NSUN4: variants seen among roughly 807,000 people sequenced by gnomAD.
NSUN4 encodes the protein NOP2/Sun RNA methyltransferase 4, also known as 5-cytosine rRNA methyltransferase NSUN4.
A neutral mutation model predicts 43.8 loss-of-function variants in NSUN4; 31 were observed. The observed-to-expected ratio is 0.71, with a 90% CI of 0.53 to 0.96. The LOEUF is 0.96. NSUN4 is among the 40% of genes least tolerant of loss of function. The pLI is 0.00. For missense variants in NSUN4, 439 were observed against 475.6 expected, an observed-to-expected ratio of 0.92 and a Z score of 0.72; for synonymous variants, 167 against 184.1, an observed-to-expected ratio of 0.91 and a Z score of 0.75.
At chr1:46,367,003 C>T (rs1664151393), downstream of NSUN4, among the ~76,000 whole-genome samples, 5 of 152,104 alleles carry the variant, frequency 3.3e-5, no homozygotes, top group African/African-American at 9.7e-5. Flanking sequence ...TGGCCGTTCT[C>T]AGAAAAATAA....
At chr1:46,341,568 A>C in intron 1 of NSUN4, 2 of 1,168,510 alleles carry the variant, frequency 1.7e-6, no homozygotes, top group Non-Finnish European at 2.1e-6. Flanking sequence ...CCTCACTGGA[A>C]GCCCTGGAAT....
At position 46,362,606 on chromosome 1, in the gene NSUN4, G is replaced by A. The variant is rs887278024; in HGVS notation, c.*760G>A. 1 of 152,190 alleles carries A rather than the reference G, an allele frequency of 6.6e-6. No homozygotes were observed. The highest frequency in any genetic ancestry group is 1.5e-5 in the Non-Finnish European group (1 of 68,044). 9.4% of individuals were successfully genotyped at this position (152,190 alleles called of 1,614,324 possible). A position where few individuals can be genotyped will look rare whatever the true frequency, so the allele number is the denominator to read the frequency against. Reference sequence around the variant, plus strand: ...AGACCTCGTGTATGACAGGTAGCTAGGGAGCTCTTGGAGATGTAGCAGTTG... The same window carrying A: ...AGACCTCGTGTATGACAGGTAGCTAAGGAGCTCTTGGAGATGTAGCAGTTG... On this transcript the variant is annotated 3_prime_UTR_variant, in exon 6 of 6. Transcript: ENST00000474844.
chr1:46,369,835 C>A (rs144325988), downstream of NSUN4, among the ~76,000 whole-genome samples: 385 of 152,304 alleles, frequency 2.5e-3, 3 homozygotes, highest in African/African-American at 8.3e-3. Flanking sequence ...GTATTCCATC[C>A]TGAGTAACTG....
Position 46,362,077 on chromosome 1 carries a change from C to T in NSUN4, c.*231C>T, listed in dbSNP as rs1351173980. 3.5e-6 allele frequency: 2 copies of T among 564,038 alleles called. No individual in the cohort carries two copies. Among genetic ancestry groups the T allele is most frequent in the Non-Finnish European group, 6.3e-6 (2 of 316,610 alleles). The allele number at this position is 564,038 out of a possible 1,614,324, so 34.9% of individuals were successfully genotyped here. A position where few individuals can be genotyped will look rare whatever the true frequency, so the allele number is the denominator to read the frequency against. On this transcript the variant is annotated 3_prime_UTR_variant, in exon 6 of 6. Transcript: ENST00000474844. ...ATTAACCCCTACCCCATCTCCAGGC[C>T]TGTACTAAAGTTTGCTGCCCGCTTA...
chr1:46,360,249 A>AAAAAATATAT (rs1553177947), intron 4 of NSUN4, among the ~76,000 whole-genome samples: 2 of 25,738 alleles, frequency 7.8e-5, no homozygotes, highest in African/African-American at 2.6e-4. Context: ...AAAAAAAAAA[A>AAAAAATATAT]ATATATATAT....
intron 3 of NSUN4, among the ~76,000 whole-genome samples, chr1:46,348,973 C>A (rs938785622): frequency 6.6e-6 from 1 of 151,620 alleles, no homozygotes; most frequent in African/African-American, 2.4e-5. Flanking sequence ...CACCACCACA[C>A]CCGGATAATT....
chr1:46,360,555 A>G, intron 4 of NSUN4, 149 bp from the exon 5 acceptor site: 1 of 631,896 alleles, frequency 1.6e-6, no homozygotes, highest in Non-Finnish European at 2.6e-6. Context: ...ACCAAGTTAA[A>G]ATGAAGAACT....
At chr1:46,355,871 G>T (rs572264697) in intron 4 of NSUN4, among the ~76,000 whole-genome samples, 1 of 152,012 alleles carries the variant, frequency 6.6e-6, no homozygotes. Flanking sequence ...AAAATTAGCC[G>T]GGTGTGGTGG....
In NSUN4 at chr1:46,363,667, G is replaced by A. The variant is rs1259591441; in HGVS notation, c.*1821G>A. ...GGAGATGTGTACAAGAATATTCATA[G>A]CAACCCTATTCACAAAAGCAAAAGC... On this transcript the variant is annotated 3_prime_UTR_variant, in exon 6 of 6. Transcript: ENST00000474844. 1 of 152,574 alleles carries A rather than the reference G, an allele frequency of 6.6e-6. No individual in the cohort carries two copies. Among genetic ancestry groups the A allele is most frequent in the African/African-American group, 2.4e-5 (1 of 41,416 alleles). The allele number at this position is 152,574 out of a possible 1,614,324, so 9.5% of individuals were successfully genotyped here. A position where few individuals can be genotyped will look rare whatever the true frequency, so the allele number is the denominator to read the frequency against.
At chr1:46,366,402 T>TTTA (rs1264490439), downstream of NSUN4, among the ~76,000 whole-genome samples, 5 of 152,092 alleles carry the variant, frequency 3.3e-5, no homozygotes, top group Non-Finnish European at 7.4e-5. Context: ...GGCTCTAGCT[T>TTTA]TTATGTTTGG....
intron 3 of NSUN4, among the ~76,000 whole-genome samples, chr1:46,350,378 A>C (rs1662890250): frequency 1.3e-5 from 2 of 152,160 alleles, no homozygotes; most frequent in Non-Finnish European, 2.9e-5. Flanking sequence ...AAATAAAAAA[A>C]AAGGAGACAT....
chr1:46,384,121 T>G, the NSUN4 span, among the ~76,000 whole-genome samples: 1 of 152,148 alleles, frequency 6.6e-6, no homozygotes, highest in Non-Finnish European at 1.5e-5. Flanking sequence ...AGCAGGTAAT[T>G]GGAATGAGTC....
chr1:46,342,892 G>A lies in NSUN4; in HGVS notation c.94-1909G>A, dbSNP rs148461706. 496 of 399,642 alleles carry A rather than the reference G, an allele frequency of 1.2e-3. 2 individuals carry two copies. The highest frequency in any genetic ancestry group is 9.0e-3 in the African/African-American group (437 of 48,600). The allele number at this position is 399,642 out of a possible 1,614,324, so 24.8% of individuals were successfully genotyped here. On this transcript the variant is annotated intron_variant, in intron 1 of 5. Transcript: ENST00000474844. ...CACACCTGTCCCCCACCTCCCTCCT[G>A]CCTCTCTGGTCCTTCTTGTATGCAG...
chr1:46,383,990 GCTAAA>G, the NSUN4 span, among the ~76,000 whole-genome samples: 1 of 152,096 alleles, frequency 6.6e-6, no homozygotes, highest in Admixed American at 6.5e-5. Context: ...GACTGCACAG[GCTAAA>G]CTAATTCCGA....
At chr1:46,367,453 C>T (rs910710339), downstream of NSUN4, among the ~76,000 whole-genome samples, 4 of 152,122 alleles carry the variant, frequency 2.6e-5, no homozygotes, top group African/African-American at 9.7e-5. Flanking sequence ...AAGAGTTATT[C>T]GTTAATTTGA....
intron 1 of NSUN4, 49 bp from the exon 2 acceptor site, chr1:46,344,752 G>T (rs1314117762): frequency 3.3e-6 from 5 of 1,525,916 alleles, no homozygotes; most frequent in Admixed American, 1.7e-5. Context: ...GGTAGTAGGG[G>T]GTAGAGTCAA....
intron 3 of NSUN4, among the ~76,000 whole-genome samples, chr1:46,350,330 C>T (rs1274256926): frequency 2.0e-5 from 3 of 151,796 alleles, no homozygotes; most frequent in Admixed American, 6.6e-5. Flanking sequence ...TCCAGGAGTT[C>T]GAGACTAGCC....
chr1:46,355,546 C>G (rs1158201237), intron 4 of NSUN4, among the ~76,000 whole-genome samples: 2 of 152,156 alleles, frequency 1.3e-5, no homozygotes, highest in Non-Finnish European at 2.9e-5. Context: ...GGCACAATGT[C>G]TGGAATATAG....
At chr1:46,366,727 A>AAAAAAAAAAAAAAAAG (rs1553178523), downstream of NSUN4, among the ~76,000 whole-genome samples, 15 of 127,984 alleles carry the variant, frequency 1.2e-4, no homozygotes, top group Non-Finnish European at 1.7e-4. Flanking sequence ...AAAAAAAAAA[A>AAAAAAAAAAAAAAAAG]AAGTGGGTAG....
Sources: gnomAD v4.1 joint callset for allele counts (sites outside exome capture counted in the v4.1 genomes callset) on GRCh38, gnomAD v4.1.1 for gene constraint, MANE v1.5 for transcripts, NCBI Gene and HGNC (gene_info 2026-07-23, HGNC 2026-07-21) for gene names.